Variants in SLC60A1 observed in about 807,000 individuals in gnomAD.
The protein encoded by SLC60A1 is solute carrier family 60 member 1, also known as major facilitator superfamily domain containing 4.
chr1:205,587,118 A>G, the SLC60A1 span, among the ~76,000 whole-genome samples: 1 of 152,200 alleles, frequency 6.6e-6, no homozygotes, highest in African/African-American at 2.4e-5. Flanking sequence ...GTGTCCATCC[A>G]GGTCACCATC....
chr1:205,591,502 AGG>A, the SLC60A1 span, among the ~76,000 whole-genome samples: 38,825 of 137,100 alleles, frequency 0.28, 6,742 homozygotes, highest in Non-Finnish European at 0.4. Context: ...AAAAAAAAAA[AGG>A]AAAGAAAAGA....
chr1:205,600,475 A>C, the SLC60A1 span: 20 of 1,613,672 alleles, frequency 1.2e-5, no homozygotes, highest in Non-Finnish European at 1.7e-5. Flanking sequence ...TGGGTGAAGA[A>C]GGCAAGAGAA....
chr1:205,594,501 C>CT, the SLC60A1 span, among the ~76,000 whole-genome samples: 2 of 151,894 alleles, frequency 1.3e-5, no homozygotes, highest in African/African-American at 2.4e-5. Context: ...ACTAAAAGTA[C>CT]AAAAATTAGC....
chr1:205,584,954 C>CATA, the SLC60A1 span: 1 of 1,614,056 alleles, frequency 6.2e-7, no homozygotes, highest in African/African-American at 1.3e-5. Context: ...ATCCACATCA[C>CATA]GGGCGCCCTG....
At chr1:205,594,283 TAATGA>T in the SLC60A1 span, among the ~76,000 whole-genome samples, 5 of 152,322 alleles carry the variant, frequency 3.3e-5, no homozygotes, top group Admixed American at 2.6e-4. Flanking sequence ...ATAAATGAAG[TAATGA>T]AATAAGGTAG....
chr1:205,571,277 G>C, the SLC60A1 span, among the ~76,000 whole-genome samples: 1 of 152,202 alleles, frequency 6.6e-6, no homozygotes, highest in Non-Finnish European at 1.5e-5. Flanking sequence ...TTAAGAAGAG[G>C]CCTAGACAGA....
the SLC60A1 span, among the ~76,000 whole-genome samples, chr1:205,592,799 TCTG>T: frequency 6.6e-6 from 1 of 152,336 alleles, no homozygotes; most frequent in African/African-American, 2.4e-5. Flanking sequence ...CATCGTAACG[TCTG>T]CTGACCTGCA....
At chr1:205,589,966 G>A in the SLC60A1 span, among the ~76,000 whole-genome samples, 61 of 152,344 alleles carry the variant, frequency 4.0e-4, no homozygotes, top group Admixed American at 1.1e-3. Flanking sequence ...GGGAGGTAAG[G>A]AAAGGAGGAA....
chr1:205,590,530 C>A, the SLC60A1 span, among the ~76,000 whole-genome samples: 1 of 152,204 alleles, frequency 6.6e-6, no homozygotes, highest in Non-Finnish European at 1.5e-5. Flanking sequence ...CCACCTTCCA[C>A]CTAACAGATC....
the SLC60A1 span, among the ~76,000 whole-genome samples, chr1:205,596,074 A>C: frequency 6.6e-6 from 1 of 152,346 alleles, no homozygotes; most frequent in Admixed American, 6.5e-5. Flanking sequence ...TCTGAACATA[A>C]GTGAGACTGA....
chr1:205,599,374 C>A, the SLC60A1 span: 1 of 1,219,888 alleles, frequency 8.2e-7, no homozygotes, highest in Non-Finnish European at 1.1e-6. Context: ...AAGTAAAATG[C>A]AAGGAAATGT....
At chr1:205,592,529 C>T in the SLC60A1 span, among the ~76,000 whole-genome samples, 62 of 151,996 alleles carry the variant, frequency 4.1e-4, 1 homozygote, top group Non-Finnish European at 2.9e-5. Flanking sequence ...GCTATCCCTC[C>T]CCCCTCTCCC....
the SLC60A1 span, chr1:205,585,021 T>C: frequency 1.9e-6 from 3 of 1,575,252 alleles, no homozygotes; most frequent in African/African-American, 4.1e-5. The surrounding 1 kb of genome is among the most constrained non-coding windows in gnomAD (Gnocchi z 4.2). Context: ...CGCCCCCTAC[T>C]GGGGGACCCT....
At chr1:205,582,334 A>G in the SLC60A1 span, among the ~76,000 whole-genome samples, 4 of 152,118 alleles carry the variant, frequency 2.6e-5, no homozygotes, top group Admixed American at 6.5e-5. Context: ...GACTTTTTCT[A>G]TTGGTTTGTG....
At chr1:205,574,131 T>G in the SLC60A1 span, among the ~76,000 whole-genome samples, 1 of 152,096 alleles carries the variant, frequency 6.6e-6, no homozygotes, top group African/African-American at 2.4e-5. Flanking sequence ...ATGTAATTTA[T>G]ATATCAATTT....
chr1:205,590,552 A>G, the SLC60A1 span, among the ~76,000 whole-genome samples: 1 of 152,118 alleles, frequency 6.6e-6, no homozygotes, highest in South Asian at 2.1e-4. Flanking sequence ...TGTGGCAGAG[A>G]CGGAAGGGCT....
At chr1:205,571,554 G>A in the SLC60A1 span, among the ~76,000 whole-genome samples, 1 of 152,146 alleles carries the variant, frequency 6.6e-6, no homozygotes, top group Non-Finnish European at 1.5e-5. Flanking sequence ...CCACCCCCAA[G>A]ACAAAATGCC....
chr1:205,589,315 G>A, the SLC60A1 span, among the ~76,000 whole-genome samples: 1 of 152,198 alleles, frequency 6.6e-6, no homozygotes, highest in Non-Finnish European at 1.5e-5. Context: ...GGGGCTAGGA[G>A]GCTAACTTGG....
At chr1:205,570,293 A>G in the SLC60A1 span, among the ~76,000 whole-genome samples, 1 of 152,240 alleles carries the variant, frequency 6.6e-6, no homozygotes, top group Non-Finnish European at 1.5e-5. Context: ...TGCAAGCCAG[A>G]GGCTGCTGCT....
Sources: gnomAD v4.1 joint callset for allele counts (sites outside exome capture counted in the v4.1 genomes callset) on GRCh38, gnomAD v4.1.1 for gene constraint, Gnocchi (gnomAD v3.1) non-coding constraint, MANE v1.5 for transcripts, NCBI Gene and HGNC (gene_info 2026-07-23, HGNC 2026-07-21) for gene names.